Variants in MMP3 observed in about 807,000 individuals in gnomAD.
The protein encoded by MMP3 is matrix metallopeptidase 3, also known as stromelysin-1.
In MMP3, 46 loss-of-function variants were observed where a neutral mutation model predicts 47.3. That is an observed-to-expected ratio of 0.97 (90% CI 0.77 to 1.24). MMP3 has a LOEUF of 1.24. Ranked by LOEUF, MMP3 falls within the 50% of genes most tolerant of loss-of-function variation. The pLI is 0.00. For missense variants in MMP3, 558 were observed against 565.5 expected, an observed-to-expected ratio of 0.99 and a Z score of 0.13; for synonymous variants, 216 against 206.5, an observed-to-expected ratio of 1.05 and a Z score of -0.39.
intron 8 of MMP3, 117 bp downstream of exon 8, chr11:102,838,434 C>A: frequency 9.0e-7 from 1 of 1,112,170 alleles, no homozygotes; most frequent in South Asian, 1.6e-5. Flanking sequence ...TGTCTGAAGT[C>A]CCATCCTTCC....
intron 3 of MMP3, 24 bp from the exon 4 acceptor site, chr11:102,842,303 A>G (rs1859013677): frequency 7.5e-6 from 12 of 1,590,964 alleles, no homozygotes; most frequent in Non-Finnish European, 1.0e-5. Flanking sequence ...AATTTATTGG[A>G]AAGATATGTA....
chr11:102,840,093 A>C lies in MMP3; in HGVS notation c.935+15T>G. ...TAGATTAAAATGGTAGGAAAATATA[A>C]TTTTTCAGCCTGACCTGTCTTTAAA... On this transcript the variant is annotated intron_variant, in intron 6 of 9. Coordinates refer to ENST00000299855, the MANE Select transcript of MMP3 (RefSeq NM_002422.5). 6.3e-7 allele frequency: 1 copy of C among 1,597,430 alleles called. No individual in the cohort carries two copies. Among genetic ancestry groups the C allele is most frequent in the Non-Finnish European group, 8.5e-7 (1 of 1,173,028 alleles).
chr11:102,839,608 A>G (rs1858956807), intron 6 of MMP3, among the ~76,000 whole-genome samples: 1 of 152,216 alleles, frequency 6.6e-6, no homozygotes, highest in African/African-American at 2.4e-5. Flanking sequence ...GTGTAAATAT[A>G]TTCTTGTATG....
In MMP3 at chr11:102,836,044, A is replaced by G; in HGVS notation, c.*82T>C. The G allele has an allele frequency of 9.3e-7, 1 of 1,080,644 alleles. No homozygotes were observed. 66.9% of individuals were successfully genotyped at this position (1,080,644 alleles called of 1,614,324 possible). On this transcript the variant is annotated 3_prime_UTR_variant, in exon 10 of 10. Coordinates refer to ENST00000299855, the MANE Select transcript of MMP3 (RefSeq NM_002422.5). The surrounding 1 kb of genome is among the most constrained non-coding windows in gnomAD (Gnocchi z 4.6). ...GTCACAGCACAGGCAGGAGAAAACG[A>G]ACATTTCAATTCACAGAGACTTAGG...
At position 102,835,923 on chromosome 11, in the gene MMP3, C is replaced by A; in HGVS notation, c.*203G>T. 1 of 525,928 alleles carries A rather than the reference C, an allele frequency of 1.9e-6. No individual in the cohort carries two copies. Among genetic ancestry groups the A allele is most frequent in the East Asian group, 3.0e-5 (1 of 33,484 alleles). 32.6% of individuals were successfully genotyped at this position (525,928 alleles called of 1,614,324 possible). A position where few individuals can be genotyped will look rare whatever the true frequency, so the allele number is the denominator to read the frequency against. Reference sequence around the variant, plus strand: ...AAAGATCACTCTATGTGACAAGGTGCAAGCTAAGCAGCAGCCCATTTGAAT... The same window carrying A: ...AAAGATCACTCTATGTGACAAGGTGAAAGCTAAGCAGCAGCCCATTTGAAT... On this transcript the variant is annotated 3_prime_UTR_variant, in exon 10 of 10. Coordinates refer to ENST00000299855, the MANE Select transcript of MMP3 (RefSeq NM_002422.5).
intron 1 of MMP3, 106 bp from the exon 2 acceptor site, chr11:102,843,022 T>A: frequency 9.8e-7 from 1 of 1,021,206 alleles, no homozygotes; most frequent in Non-Finnish European, 1.4e-6. Flanking sequence ...ATTTGGAGTA[T>A]TTCTCTAGCT....
chr11:102,842,567 A>G lies in MMP3; in HGVS notation c.363T>C (p.Tyr121=), dbSNP rs782463977. 5 of 1,613,918 alleles carry G rather than the reference A, an allele frequency of 3.1e-6. No homozygotes were observed. Among genetic ancestry groups the G allele is most frequent in the Non-Finnish European group, 4.2e-6 (5 of 1,179,974 alleles). ...KTHLTYRIVN[Y]TPDLPKDAVD... is the part of the protein sequence containing the mutation. ...CAGCATCTTTTGGCAAATCTGGTGT[A>G]TAATTCACAATCCTGTAGGAGAAAA... Residue 121 remains tyrosine, a synonymous_variant, in exon 3 of 10, where the codon TAT becomes TAC. Transcript: ENST00000299855.
rs782262192 is a variant in MMP3 at position 102,837,438 on chromosome 11, G to A, written c.1230-37C>T. ...AAAAGAAACAGCTCAGCATTGCATA[G>A]AGGCCATGTTACCGAACATCTTAGA... On this transcript the variant is annotated intron_variant, in intron 8 of 9. Coordinates refer to ENST00000299855, the MANE Select transcript of MMP3 (RefSeq NM_002422.5). This position sits in a 1 kb window ranked among gnomAD's most constrained non-coding sequence, Gnocchi z 4.4. The A allele has an allele frequency of 1.2e-5, 17 of 1,456,562 alleles. 1 individual carries two copies. The South Asian group carries it at 1.9e-4, about 16-fold the overall frequency. 90.2% of individuals were successfully genotyped at this position (1,456,562 alleles called of 1,614,324 possible).
rs141650167 is a variant in MMP3 at position 102,842,751 on chromosome 11, T to C, written c.271A>G (p.Arg91Gly). 6.2e-7 allele frequency: 1 copy of C among 1,614,006 alleles called. No homozygotes were observed. Among genetic ancestry groups the C allele is most frequent in the South Asian group, 1.1e-5 (1 of 91,078 alleles). The change falls in exon 2 of 10, where the codon AGG becomes GGG. Residue 91 changes from arginine to glycine, a missense_variant. Physicochemically the swap from Arg to Gly is moderately radical, Grantham distance 125. Coordinates refer to ENST00000299855, the MANE Select transcript of MMP3 (RefSeq NM_002422.5). ...TGACCAACATCAGGAACTCCACACC[T>C]GGGCTTGCGCATCACCTCCAGAGTG... ...SDTLEVMRKP[R>G]CGVPDVGHFR... is the part of the protein sequence containing the mutation.
In MMP3 at chr11:102,843,563, T is replaced by TA; in HGVS notation, c.-18dup. 1.2e-6 allele frequency: 2 copies of TA among 1,600,062 alleles called. No homozygotes were observed. Among genetic ancestry groups the TA allele is most frequent in the Non-Finnish European group, 1.7e-6 (2 of 1,169,568 alleles). ...ACTCTTCATTTCCACTGGCTTTACT[T>TA]AGCTCTATGTTGTCTCTATGCCTTG... On this transcript the variant is annotated 5_prime_UTR_variant, in exon 1 of 10. Transcript: ENST00000299855.
rs782643785 is a variant in MMP3 at position 102,839,232 on chromosome 11, C to A, written c.947G>T (p.Arg316Leu). 2 of 1,613,500 alleles carry A rather than the reference C, an allele frequency of 1.2e-6. No individual in the cohort carries two copies. The highest frequency in any genetic ancestry group is 2.2e-5 in the East Asian group (1 of 44,878). Residue 316 changes from arginine to leucine, a missense_variant, in exon 7 of 10, where the codon CGC becomes CTC. Physicochemically the swap from Arg to Leu is moderately radical, Grantham distance 102. Transcript: ENST00000299855. ...AGGTTCAAGCTTCCTGAGGGATTTG[C>A]GCCAAAAGTGCCTAAAATATATGTA... ...ILIFKDRHFW[R>L]KSLRKLEPEL...
At chr11:102,839,073 C>G (rs1555005024) in intron 7 of MMP3, 37 bp downstream of exon 7, 1 of 1,596,708 alleles carries the variant, frequency 6.3e-7, no homozygotes, top group South Asian at 1.1e-5. Context: ...AGAGGGTTTA[C>G]TTTGGCAAGT....
In MMP3 at chr11:102,837,513, A is replaced by G; in HGVS notation, c.1230-112T>C. On this transcript the variant is annotated intron_variant, in intron 8 of 9. Transcript: ENST00000299855. This position sits in a 1 kb window ranked among gnomAD's most constrained non-coding sequence, Gnocchi z 4.4. ...TTACTAAACTTTATAAATACTGCAA[A>G]TAAATGCCAAGCATATTTGGGACTA... 1.4e-6 allele frequency: 1 copy of G among 736,684 alleles called. No individual in the cohort carries two copies. The highest frequency in any genetic ancestry group is 2.3e-6 in the Non-Finnish European group (1 of 435,854). The allele number at this position is 736,684 out of a possible 1,614,324, so 45.6% of individuals were successfully genotyped here. A position where few individuals can be genotyped will look rare whatever the true frequency, so the allele number is the denominator to read the frequency against.
chr11:102,838,242 A>C (rs1382880290), intron 8 of MMP3, among the ~76,000 whole-genome samples: 4 of 152,098 alleles, frequency 2.6e-5, no homozygotes, highest in African/African-American at 4.8e-5. Context: ...AGCTGCATGG[A>C]GGTGATGAGA....
chr11:102,840,030 T>G, intron 6 of MMP3, 78 bp downstream of exon 6: 1 of 1,429,480 alleles, frequency 7.0e-7, no homozygotes, highest in Non-Finnish European at 9.5e-7. Context: ...TCTAAGAATC[T>G]CTATCAAGTT....
In MMP3 at chr11:102,842,588, G is replaced by GA. The variant is rs1413695131; in HGVS notation, c.351-10dup. 2 of 1,613,088 alleles carry GA rather than the reference G, an allele frequency of 1.2e-6. No homozygotes were observed. The highest frequency in any genetic ancestry group is 1.7e-6 in the Non-Finnish European group (2 of 1,179,802). ...GTGTATAATTCACAATCCTGTAGGA[G>GA]AAAAATTGAAGCAGATGCTATTTTC... is the stretch of plus-strand genomic sequence containing the variant. On this transcript the variant is annotated splice_polypyrimidine_tract_variant and intron_variant, in intron 2 of 9. Coordinates refer to ENST00000299855, the MANE Select transcript of MMP3 (RefSeq NM_002422.5).
At position 102,838,703 on chromosome 11, in the gene MMP3, T is replaced by C. The variant is rs1555004967; in HGVS notation, c.1077A>G (p.Gln359=). The C allele has an allele frequency of 6.2e-7, 1 of 1,612,588 alleles. No individual in the cohort carries two copies. Among genetic ancestry groups the C allele is most frequent in the Non-Finnish European group, 8.5e-7 (1 of 1,179,260 alleles). ...KDLVFIFKGN[Q]FWAIRGNEVR... ...CCTCATTTCCTCTGATAGCCCAGAA[T>C]TGATTTCCTGTTAAATATAAATAAT... is the stretch of plus-strand genomic sequence containing the variant. Residue 359 remains glutamine (Q), a synonymous_variant, in exon 8 of 10, where the codon CAA becomes CAG. Coordinates refer to ENST00000299855, the MANE Select transcript of MMP3 (RefSeq NM_002422.5).
rs1859045567 is a variant in MMP3 at position 102,843,379 on chromosome 11, A to G, written c.105+63T>C. 5.5e-5 allele frequency: 64 copies of G among 1,156,080 alleles called. 1 individual carries two copies. The South Asian group carries it at 8.2e-4, about 15-fold the overall frequency. 71.6% of individuals were successfully genotyped at this position (1,156,080 alleles called of 1,614,324 possible). A position where few individuals can be genotyped will look rare whatever the true frequency, so the allele number is the denominator to read the frequency against. ...GCATTCTATGTGGGTTTTAAGACACACAGAATGGTTTCAGCTTACTCTGGA... is the reference window on the plus strand; with the variant it reads ...GCATTCTATGTGGGTTTTAAGACACGCAGAATGGTTTCAGCTTACTCTGGA... On this transcript the variant is annotated intron_variant, in intron 1 of 9. Transcript: ENST00000299855.
Position 102,839,209 on chromosome 11 carries a change from G to A in MMP3, c.970C>T (p.Pro324Ser), listed in dbSNP as rs781850506. 15 of 1,613,958 alleles carry A rather than the reference G, an allele frequency of 9.3e-6. No homozygotes were observed. In the African/African-American group the frequency reaches 1.1e-4, roughly 11 times the overall value. The change falls in exon 7 of 10, where the codon CCT (proline) becomes TCT (serine). Residue 324 changes from proline (P) to serine (S), a missense_variant. Transcript: ENST00000299855. ...AATGAAGAGATCAAATGCAATTCAG[G>A]TTCAAGCTTCCTGAGGGATTTGCGC... ...FWRKSLRKLE[P>S]ELHLISSFWP...
Sources: allele counts gnomAD v4.1 joint callset (sites outside exome capture counted in the v4.1 genomes callset), GRCh38; gene constraint gnomAD v4.1.1; non-coding constraint Gnocchi (gnomAD v3.1); transcripts MANE v1.5; gene names NCBI Gene and HGNC (gene_info 2026-07-23, HGNC 2026-07-21).